CCDC171: variants seen among roughly 807,000 people sequenced by gnomAD.
CCDC171 encodes coiled-coil domain-containing protein 171.
Under a neutral mutation model 168.2 loss-of-function variants are expected in CCDC171, and 177 were observed. The observed-to-expected ratio is 1.05, with a 90% CI of 0.93 to 1.19. CCDC171 has a LOEUF of 1.19. Ranked by LOEUF, CCDC171 falls within the 50% of genes most tolerant of loss-of-function variation. The pLI is 0.00. For missense variants in CCDC171, 1,991 were observed against 1,539.0 expected (o/e 1.29, Z -4.91); for synonymous variants, 687 against 540.8 (o/e 1.27, Z -3.75).
At chr9:15,711,337 T>C (rs2134027212) in intron 11 of CCDC171, among the ~76,000 whole-genome samples, 1 of 152,262 alleles carries the variant, frequency 6.6e-6, no homozygotes, top group Non-Finnish European at 1.5e-5. Context: ...GTACACTTCT[T>C]TTTTGAGTTC....
intron 7 of CCDC171, among the ~76,000 whole-genome samples, chr9:15,629,664 G>A: frequency 6.6e-6 from 1 of 152,132 alleles, no homozygotes. Context: ...TCAGATTCAG[G>A]AAATACAGAG....
At chr9:15,603,705 A>G (rs553296005) in intron 6 of CCDC171, among the ~76,000 whole-genome samples, 29 of 151,514 alleles carry the variant, frequency 1.9e-4, no homozygotes, top group Non-Finnish European at 2.9e-4. Flanking sequence ...TAGTGCTGCA[A>G]TGAGCATACA....
In CCDC171 at chr9:15,889,708, A is replaced by G. The variant is rs534846583; in HGVS notation, c.3600+15045A>G. Among the ~76,000 whole-genome samples, 7 of 152,306 alleles carry G rather than the reference A, an allele frequency of 4.6e-5. No individual in the cohort carries two copies. The South Asian group carries it at 1.5e-3, about 32-fold the overall frequency. On this transcript the variant is annotated intron_variant, in intron 24 of 25. Transcript: ENST00000380701. ...TCCCACTTTATGTACTGAAAGCAGA[A>G]TGGATGAAATGCCTTGACACATAAC...
chr9:15,971,979 G>C lies in CCDC171; in HGVS notation c.*143G>C. On this transcript the variant is annotated 3_prime_UTR_variant, in exon 26 of 26. Transcript: ENST00000380701. ...TTGTGCGCTATCTTGATGTATTCTG[G>C]TAGCTCTGTCTCCTTGAATAAGGAA... is the stretch of plus-strand genomic sequence containing the variant. 1.6e-6 allele frequency: 1 copy of C among 633,412 alleles called. No homozygotes were observed. The highest frequency in any genetic ancestry group is 2.7e-6 in the Non-Finnish European group (1 of 371,508). 39.2% of individuals were successfully genotyped at this position (633,412 alleles called of 1,614,324 possible).
chr9:15,706,042 A>G (rs1199525325), intron 11 of CCDC171, among the ~76,000 whole-genome samples: 1 of 152,238 alleles, frequency 6.6e-6, no homozygotes, highest in Non-Finnish European at 1.5e-5. Context: ...CATGGATCAT[A>G]GAAATGCCAT....
intron 25 of CCDC171, among the ~76,000 whole-genome samples, chr9:15,940,019 CA>C (rs1827541781): frequency 6.6e-6 from 1 of 151,816 alleles, no homozygotes; most frequent in African/African-American, 2.4e-5. Flanking sequence ...TTTCTTCCAA[CA>C]AAAATACTTT....
intron 24 of CCDC171, among the ~76,000 whole-genome samples, chr9:15,876,348 T>C (rs766605391): frequency 2.6e-5 from 4 of 152,114 alleles, no homozygotes; most frequent in Non-Finnish European, 5.9e-5. Flanking sequence ...AGCGAACACT[T>C]AACTATGTAC....
At chr9:15,754,424 G>A (rs1314047630) in intron 18 of CCDC171, among the ~76,000 whole-genome samples, 1 of 152,046 alleles carries the variant, frequency 6.6e-6, no homozygotes, top group African/African-American at 2.4e-5. Flanking sequence ...TTTGAGCATT[G>A]TGTATAATAC....
intron 24 of CCDC171, among the ~76,000 whole-genome samples, chr9:15,881,702 A>G (rs1382174668): frequency 6.6e-6 from 1 of 152,150 alleles, no homozygotes; most frequent in African/African-American, 2.4e-5. Context: ...TAGCTCCCAC[A>G]TATGAGTCAG....
intron 1 of CCDC171, among the ~76,000 whole-genome samples, chr9:16,059,605 C>T (rs1345204021): frequency 1.4e-5 from 2 of 145,544 alleles, no homozygotes; most frequent in African/African-American, 5.2e-5. Flanking sequence ...AGCTCCGCTT[C>T]CCAGGTTCAC....
chr9:15,731,209 C>G (rs924902167), intron 16 of CCDC171, among the ~76,000 whole-genome samples: 3 of 152,060 alleles, frequency 2.0e-5, no homozygotes, highest in African/African-American at 4.8e-5. Flanking sequence ...ACCTACCTCT[C>G]TCCATCCCTT....
intron 25 of CCDC171, among the ~76,000 whole-genome samples, chr9:15,930,250 A>G (rs1335522043): frequency 6.6e-6 from 1 of 151,568 alleles, no homozygotes; most frequent in Admixed American, 6.6e-5. Context: ...CCCACACCAA[A>G]TTTTCTTTAA....
intron 7 of CCDC171, among the ~76,000 whole-genome samples, chr9:15,625,878 G>A (rs895345079): frequency 5.9e-5 from 9 of 152,120 alleles, no homozygotes; most frequent in Non-Finnish European, 8.8e-5. Context: ...GCTTGATGGG[G>A]ATGGCATTGA....
chr9:16,079,584 C>T, the CCDC171 span, among the ~76,000 whole-genome samples: 1 of 152,220 alleles, frequency 6.6e-6, no homozygotes, highest in Non-Finnish European at 1.5e-5. Flanking sequence ...GTCCGCAAAT[C>T]ACCAGAAGCC....
the CCDC171 span, among the ~76,000 whole-genome samples, chr9:16,069,780 C>T: frequency 1.3e-5 from 2 of 152,142 alleles, no homozygotes; most frequent in South Asian, 4.1e-4. Context: ...CACCCCCACT[C>T]GGGTCATTTG....
chr9:15,594,249 C>G, intron 6 of CCDC171, 77 bp downstream of exon 6: 1 of 796,064 alleles, frequency 1.3e-6, no homozygotes, highest in Non-Finnish European at 1.9e-6. Context: ...AGTGGGATAA[C>G]TGACTCGCTC....
chr9:15,984,015 C>T (rs901776052), intron 3 of CCDC171, among the ~76,000 whole-genome samples: 1 of 93,330 alleles, frequency 1.1e-5, no homozygotes, highest in Non-Finnish European at 2.3e-5. Flanking sequence ...AGAGTAGAGA[C>T]CAGGAGCATC....
chr9:15,571,610 A>G lies in CCDC171; in HGVS notation c.42-14A>G. On this transcript the variant is annotated splice_polypyrimidine_tract_variant and intron_variant, in intron 2 of 25. Coordinates refer to ENST00000380701, the MANE Select transcript of CCDC171 (RefSeq NM_173550.4). Reference sequence around the variant, plus strand: ...TGAGAAGCATATACATTTTACTGTAATCTCATTTTAAAGGTTGAAGATTGC... The same window carrying G: ...TGAGAAGCATATACATTTTACTGTAGTCTCATTTTAAAGGTTGAAGATTGC... 1 of 1,526,604 alleles carries G rather than the reference A, an allele frequency of 6.6e-7. No individual in the cohort carries two copies. The highest frequency in any genetic ancestry group is 1.3e-5 in the South Asian group (1 of 78,920). 94.6% of individuals were successfully genotyped at this position (1,526,604 alleles called of 1,614,324 possible).
chr9:15,938,205 A>G (rs1827314672), intron 25 of CCDC171, among the ~76,000 whole-genome samples: 1 of 151,804 alleles, frequency 6.6e-6, no homozygotes, highest in African/African-American at 2.4e-5. Context: ...GCTCAATACC[A>G]TGCTGTTTGG....
Sources: allele counts gnomAD v4.1 joint callset (sites outside exome capture counted in the v4.1 genomes callset), GRCh38; gene constraint gnomAD v4.1.1; transcripts MANE v1.5; gene names NCBI Gene and HGNC (gene_info 2026-07-23, HGNC 2026-07-21).